The following ADAM20 variants were observed in gnomAD, a reference collection of about 807,000 sequenced individuals.
The protein encoded by ADAM20 is ADAM metallopeptidase domain 20.
For missense variants in ADAM20, 871 were observed against 883.2 expected (o/e 0.99, Z 0.18); for synonymous variants, 305 against 310.2 (o/e 0.98, Z 0.18).
rs1307806543 is a variant in ADAM20 at position 70,522,465 on chromosome 14, T to C, written c.*112A>G. ...TAATGCTTGCAATCCTGACATGAAA[T>C]GTCCATGAAGTTTTATTTAAACAGT... On this transcript the variant is annotated 3_prime_UTR_variant, in exon 2 of 2. Transcript: ENST00000256389. 9 of 1,095,070 alleles carry C rather than the reference T, an allele frequency of 8.2e-6. No individual in the cohort carries two copies. Among genetic ancestry groups the C allele is most frequent in the Admixed American group, 2.9e-5 (1 of 34,560 alleles). 67.8% of individuals were successfully genotyped at this position (1,095,070 alleles called of 1,614,324 possible).
chr14:70,566,024 AG>A, the ADAM20 span, among the ~76,000 whole-genome samples: 1 of 152,202 alleles, frequency 6.6e-6, no homozygotes, highest in African/African-American at 2.4e-5. Context: ...ACAAAAGCTG[AG>A]GAAGTTCATC....
chr14:70,525,375 A>T (rs1404117689), intron 1 of ADAM20, among the ~76,000 whole-genome samples: 1 of 151,842 alleles, frequency 6.6e-6, no homozygotes, highest in African/African-American at 2.4e-5. Flanking sequence ...CAGCCAGCTA[A>T]TTTTTCTTTT....
upstream of ADAM20, among the ~76,000 whole-genome samples, chr14:70,536,002 C>T (rs909461983): frequency 2.6e-5 from 4 of 152,074 alleles, no homozygotes; most frequent in African/African-American, 9.7e-5. Flanking sequence ...ATTTAAAAAA[C>T]AATTAGTAAG....
chr14:70,524,322 TG>T lies in ADAM20; in HGVS notation c.435del (p.Lys146SerfsTer12). 3 of 1,614,084 alleles carry T rather than the reference TG, an allele frequency of 1.9e-6. No homozygotes were observed. The highest frequency in any genetic ancestry group is 2.5e-6 in the Non-Finnish European group (3 of 1,179,954). On this transcript the variant is annotated frameshift_variant, in exon 2 of 2. Coordinates refer to ENST00000256389, the MANE Select transcript of ADAM20 (RefSeq NM_003814.5). LOFTEE classifies it low-confidence loss of function (END_TRUNC). ...AATGTGGCAGAAACACTAATTGGCT[TG>T]ATTTCATAAACAAGGTCATTTATCT... ...MLQINDLVYE[I>X]KPISVSATFE...
chr14:70,578,638 A>G, the ADAM20 span, among the ~76,000 whole-genome samples: 1 of 152,234 alleles, frequency 6.6e-6, no homozygotes, highest in South Asian at 2.1e-4. Context: ...TCTTAAATAA[A>G]TGAACAAGAA....
At chr14:70,573,584 GAC>G in the ADAM20 span, among the ~76,000 whole-genome samples, 1 of 152,108 alleles carries the variant, frequency 6.6e-6, no homozygotes, top group Non-Finnish European at 1.5e-5. Flanking sequence ...TTTAAAAAAA[GAC>G]AGAGTGGCTG....
chr14:70,564,736 A>ATTTT, the ADAM20 span, among the ~76,000 whole-genome samples: 4 of 91,850 alleles, frequency 4.4e-5, no homozygotes, highest in Admixed American at 1.2e-4. Context: ...GATAGACGCA[A>ATTTT]TTTTTTTTTT....
At chr14:70,561,681 C>T in the ADAM20 span, among the ~76,000 whole-genome samples, 1 of 152,230 alleles carries the variant, frequency 6.6e-6, no homozygotes, top group Non-Finnish European at 1.5e-5. Context: ...TGGCTGCATC[C>T]CAGCCATTCC....
At chr14:70,574,689 A>G in the ADAM20 span, among the ~76,000 whole-genome samples, 2 of 152,110 alleles carry the variant, frequency 1.3e-5, no homozygotes, top group Non-Finnish European at 2.9e-5. Flanking sequence ...TAAACAAGCT[A>G]ATGTTACATC....
the ADAM20 span, among the ~76,000 whole-genome samples, chr14:70,564,251 G>A: frequency 1.4e-4 from 21 of 152,362 alleles, no homozygotes; most frequent in Non-Finnish European, 2.8e-4. Context: ...CTCTTCAGGA[G>A]TGAGTGGGAA....
At chr14:70,537,098 G>A (rs1475963284), upstream of ADAM20, among the ~76,000 whole-genome samples, 4 of 152,088 alleles carry the variant, frequency 2.6e-5, no homozygotes, top group African/African-American at 9.7e-5. Flanking sequence ...TGGGGATACA[G>A]GCTGTCATGC....
the ADAM20 span, among the ~76,000 whole-genome samples, chr14:70,566,540 A>G: frequency 6.6e-6 from 1 of 152,202 alleles, no homozygotes; most frequent in Non-Finnish European, 1.5e-5. Flanking sequence ...CAGAATAGAC[A>G]GAAAAAAATT....
the ADAM20 span, among the ~76,000 whole-genome samples, chr14:70,566,139 T>C: frequency 6.6e-6 from 1 of 152,188 alleles, no homozygotes; most frequent in East Asian, 1.9e-4. Context: ...TAAAACTCAC[T>C]GGTTAGGGTA....
the ADAM20 span, among the ~76,000 whole-genome samples, chr14:70,572,032 A>G: frequency 1.3e-5 from 2 of 152,252 alleles, no homozygotes; most frequent in Admixed American, 6.5e-5. Context: ...AAGAATCAAT[A>G]TAACTAAAAT....
chr14:70,564,798 G>T, the ADAM20 span, among the ~76,000 whole-genome samples: 1 of 126,872 alleles, frequency 7.9e-6, no homozygotes. Flanking sequence ...TGTAATCCCA[G>T]CTACTCAAGA....
chr14:70,522,789 C>CA lies in ADAM20; in HGVS notation c.1968dup (p.Glu657Ter), dbSNP rs755218280. 6.2e-7 allele frequency: 1 copy of CA among 1,614,030 alleles called. No individual in the cohort carries two copies. Among genetic ancestry groups the CA allele is most frequent in the South Asian group, 1.1e-5 (1 of 91,082 alleles). On this transcript the variant is annotated frameshift_variant, in exon 2 of 2. Transcript: ENST00000256389. LOFTEE classifies it low-confidence loss of function (END_TRUNC). Reference sequence around the variant, plus strand: ...TCCTTGCAGTATGGGGGTGCCCATTCATGGTTGCAGTGACAGTGTTGTTTG... The same window carrying CA: ...TCCTTGCAGTATGGGGGTGCCCATTCAATGGTTGCAGTGACAGTGTTGTTTG...
At chr14:70,538,096 C>T (rs1381075685), upstream of ADAM20, among the ~76,000 whole-genome samples, 1 of 152,092 alleles carries the variant, frequency 6.6e-6, no homozygotes, top group Non-Finnish European at 1.5e-5. Context: ...TCTCATCCCC[C>T]TGCATCATGA....
chr14:70,542,677 G>A, the ADAM20 span, among the ~76,000 whole-genome samples: 6 of 152,122 alleles, frequency 3.9e-5, no homozygotes, highest in Non-Finnish European at 7.4e-5. Flanking sequence ...GGTGGCTCAC[G>A]CCTGTAATCC....
the ADAM20 span, among the ~76,000 whole-genome samples, chr14:70,544,371 TC>T: frequency 6.6e-6 from 1 of 152,184 alleles, no homozygotes; most frequent in South Asian, 2.1e-4. Context: ...TTAAAGAACA[TC>T]CTTCTAAATG....
Sources: gnomAD v4.1 joint callset for allele counts (sites outside exome capture counted in the v4.1 genomes callset) on GRCh38, gnomAD v4.1.1 for gene constraint, MANE v1.5 for transcripts, NCBI Gene and HGNC (gene_info 2026-07-23, HGNC 2026-07-21) for gene names.